The following COMMD1 variants were observed in gnomAD, a reference collection of about 807,000 sequenced individuals.
COMMD1 encodes COMM domain-containing protein 1.
In COMMD1, 10 loss-of-function variants were observed where a neutral mutation model predicts 17.2. That is an observed-to-expected ratio of 0.58 (90% CI 0.36 to 0.99). The LOEUF (loss-of-function observed/expected upper bound fraction) is 0.99, where lower values mean the gene tolerates loss of function less well. Among genes scored for constraint, COMMD1 ranks in the 50% least tolerant of loss-of-function variants. COMMD1 has a pLI of 0.01. For missense variants in COMMD1, 270 were observed against 231.8 expected (o/e 1.17, Z -1.07); for synonymous variants, 97 against 91.6 (o/e 1.06, Z -0.34).
chr2:61,911,725 C>G (rs556826321), intron 1 of COMMD1, among the ~76,000 whole-genome samples: 1 of 152,278 alleles, frequency 6.6e-6, no homozygotes, highest in South Asian at 2.1e-4. Context: ...TGCATAGGTA[C>G]CAGTGATCCT....
At chr2:62,091,562 G>C (rs779960620) in intron 2 of COMMD1, among the ~76,000 whole-genome samples, 3 of 152,130 alleles carry the variant, frequency 2.0e-5, no homozygotes, top group Non-Finnish European at 2.9e-5. Context: ...CCCATGTCTG[G>C]GTATTCCATA....
intron 2 of COMMD1, among the ~76,000 whole-genome samples, chr2:62,106,152 T>C (rs1454031444): frequency 6.6e-6 from 1 of 152,234 alleles, no homozygotes. Flanking sequence ...CATAAGCCAT[T>C]GTGCCTGGCA....
In COMMD1 at chr2:61,896,762, C is replaced by CCTG. The variant is rs1308360490; in HGVS notation, n.119+7921_119+7923dup. Among the ~76,000 whole-genome samples, 4 of 151,752 alleles carry CCTG rather than the reference C, an allele frequency of 2.6e-5. No individual in the cohort carries two copies. In the East Asian group the frequency reaches 7.7e-4, roughly 29 times the overall value. On this transcript the variant is annotated intron_variant and non_coding_transcript_variant, in intron 1 of 2. Transcript: ENST00000472729. The stretch of plus-strand genomic sequence containing the variant: ...GGGTACTCTGACTTGACTTTTTCTT[C>CCTG]CTGAAAGCAGAAGCAGAAGATAAAA...
intron 1 of COMMD1, among the ~76,000 whole-genome samples, chr2:61,925,322 A>G (rs750430787): frequency 1.3e-5 from 2 of 152,106 alleles, no homozygotes; most frequent in African/African-American, 4.8e-5. Flanking sequence ...GAAGTTTACT[A>G]ACCTGCCGGC....
intron 2 of COMMD1, among the ~76,000 whole-genome samples, chr2:62,131,771 G>A (rs1351285074): frequency 4.6e-5 from 7 of 151,698 alleles, no homozygotes; most frequent in Admixed American, 6.6e-5. Context: ...TGAAACTCCT[G>A]GGCTCAAGCA....
intron 2 of COMMD1, among the ~76,000 whole-genome samples, chr2:62,046,176 C>T (rs936463432): frequency 6.6e-6 from 1 of 152,168 alleles, no homozygotes; most frequent in Non-Finnish European, 1.5e-5. Flanking sequence ...AAGGTGGTTT[C>T]AAGATTATTA....
intron 2 of COMMD1, among the ~76,000 whole-genome samples, chr2:62,040,566 C>T (rs1205761632): frequency 6.6e-6 from 1 of 152,080 alleles, no homozygotes; most frequent in Non-Finnish European, 1.5e-5. Flanking sequence ...CAAAATATTT[C>T]AGGAAGAAAA....
At chr2:61,958,317 A>C (rs1004156972) in intron 1 of COMMD1, among the ~76,000 whole-genome samples, 76 of 146,176 alleles carry the variant, frequency 5.2e-4, no homozygotes, top group African/African-American at 1.8e-3. Flanking sequence ...CCCAGGCTGG[A>C]GTGCAGGGGC....
chr2:62,032,182 G>T (rs1324542726), intron 2 of COMMD1, among the ~76,000 whole-genome samples: 1 of 152,152 alleles, frequency 6.6e-6, no homozygotes, highest in Non-Finnish European at 1.5e-5. Flanking sequence ...TATCCAGCAT[G>T]TATGAATTTT....
At chr2:62,095,789 G>A (rs1671984590) in intron 2 of COMMD1, among the ~76,000 whole-genome samples, 1 of 57,424 alleles carries the variant, frequency 1.7e-5, no homozygotes, top group Non-Finnish European at 3.2e-5. Context: ...ATGTTGTGTA[G>A]TCAAGTTTCA....
chr2:62,134,565 G>A (rs146938067), intron 2 of COMMD1, among the ~76,000 whole-genome samples: 172 of 151,208 alleles, frequency 1.1e-3, no homozygotes, highest in African/African-American at 4.1e-3. Context: ...TCTTATGACT[G>A]GGCAACATAC....
intron 2 of COMMD1, among the ~76,000 whole-genome samples, chr2:62,111,007 G>T (rs1027151769): frequency 1.3e-5 from 2 of 152,078 alleles, no homozygotes; most frequent in Non-Finnish European, 2.9e-5. Context: ...CAAAGGTAAG[G>T]TTTATTAATG....
chr2:62,023,149 C>G (rs1478696742), intron 2 of COMMD1, among the ~76,000 whole-genome samples: 1 of 151,774 alleles, frequency 6.6e-6, no homozygotes, highest in African/African-American at 2.4e-5. Flanking sequence ...TCGCTTGAAC[C>G]TGGAAGGTGG....
At chr2:61,888,896 CTTTTT>C in intron 1 of COMMD1, 2 of 131,948 alleles carry the variant, frequency 1.5e-5, no homozygotes, top group South Asian at 2.1e-4. Context: ...AGGTCCCCTC[CTTTTT>C]TTTTTTTTTT....
intron 1 of COMMD1, among the ~76,000 whole-genome samples, chr2:61,974,284 A>G (rs1217619069): frequency 6.6e-6 from 1 of 152,124 alleles, no homozygotes; most frequent in Non-Finnish European, 1.5e-5. Context: ...CTGTCTAAGA[A>G]AAAAGAAGTT....
chr2:61,927,649 C>T (rs866290051), intron 1 of COMMD1, among the ~76,000 whole-genome samples: 39 of 152,180 alleles, frequency 2.6e-4, no homozygotes, highest in South Asian at 8.3e-4. Flanking sequence ...CCACCTGCCT[C>T]GGCCTCCCAA....
intron 2 of COMMD1, chr2:62,100,269 T>C (rs1573186070): frequency 6.6e-6 from 1 of 152,272 alleles, no homozygotes; most frequent in East Asian, 1.9e-4. Flanking sequence ...TTTAGGCAAC[T>C]CCTTCAGGGT....
At chr2:62,040,658 A>C (rs1438685742) in intron 2 of COMMD1, among the ~76,000 whole-genome samples, 2 of 152,084 alleles carry the variant, frequency 1.3e-5, no homozygotes, top group Non-Finnish European at 2.9e-5. Flanking sequence ...CTGTCAGTTT[A>C]CTTTTTGGTT....
intron 2 of COMMD1, among the ~76,000 whole-genome samples, chr2:62,010,804 C>G (rs1352267118): frequency 6.6e-6 from 1 of 152,238 alleles, no homozygotes; most frequent in East Asian, 1.9e-4. Flanking sequence ...CATCACCTCT[C>G]TCCTAGATTA....
Sources: allele counts gnomAD v4.1 joint callset (sites outside exome capture counted in the v4.1 genomes callset), GRCh38; gene constraint gnomAD v4.1.1; transcripts MANE v1.5; gene names NCBI Gene and HGNC (gene_info 2026-07-23, HGNC 2026-07-21).